PCDH9: variants seen among roughly 807,000 people sequenced by gnomAD.
PCDH9 encodes the protein protocadherin-9.
Under a neutral mutation model 70.6 loss-of-function variants are expected in PCDH9, and 24 were observed. The observed-to-expected ratio is 0.34, with a 90% CI of 0.25 to 0.48. The LOEUF (loss-of-function observed/expected upper bound fraction) is 0.48, where lower values mean the gene tolerates loss of function less well. Among genes scored for constraint, PCDH9 ranks in the 20% least tolerant of loss-of-function variants. PCDH9 has a pLI of 0.99. For synonymous variants in PCDH9, 562 were observed against 558.5 expected (o/e 1.01, Z -0.09); for missense variants, 1,281 against 1,503.6 (o/e 0.85, Z 2.45).
intron 2 of PCDH9, among the ~76,000 whole-genome samples, chr13:66,934,951 A>G (rs1188153730): frequency 6.6e-6 from 1 of 150,744 alleles, no homozygotes. Context: ...CGATCTCCTG[A>G]CCTCGTGATC....
intron 2 of PCDH9, among the ~76,000 whole-genome samples, chr13:66,923,559 G>C (rs1015240004): frequency 6.6e-6 from 1 of 151,504 alleles, no homozygotes; most frequent in African/African-American, 2.4e-5. Flanking sequence ...GCCAGACATA[G>C]CTATAGGTAA....
chr13:67,032,808 G>A (rs2084933035), intron 2 of PCDH9, among the ~76,000 whole-genome samples: 1 of 152,140 alleles, frequency 6.6e-6, no homozygotes, highest in Non-Finnish European at 1.5e-5. Flanking sequence ...GTTACTGAGT[G>A]ACAATTTGAA....
intron 4 of PCDH9, among the ~76,000 whole-genome samples, chr13:66,475,854 C>T (rs555654254): frequency 6.6e-6 from 1 of 152,190 alleles, no homozygotes; most frequent in East Asian, 1.9e-4. Flanking sequence ...CATTGCCTTT[C>T]ACCATATCTC....
chr13:67,147,639 C>T (rs1396452000), intron 2 of PCDH9, among the ~76,000 whole-genome samples: 1 of 152,198 alleles, frequency 6.6e-6, no homozygotes, highest in Admixed American at 6.6e-5. Flanking sequence ...ATAACTGAGA[C>T]TGAGTACATT....
chr13:67,013,368 A>G (rs529794248), intron 2 of PCDH9, among the ~76,000 whole-genome samples: 18 of 151,704 alleles, frequency 1.2e-4, no homozygotes, highest in African/African-American at 4.1e-4. Flanking sequence ...TAACTTTATG[A>G]CATAAACATT....
At chr13:66,670,690 T>C (rs936979556) in intron 3 of PCDH9, among the ~76,000 whole-genome samples, 3 of 152,128 alleles carry the variant, frequency 2.0e-5, no homozygotes, top group Non-Finnish European at 4.4e-5. Flanking sequence ...TAATTTTGCC[T>C]GTTTTCATAC....
chr13:66,649,890 G>A (rs533649986), intron 3 of PCDH9, among the ~76,000 whole-genome samples: 72 of 151,590 alleles, frequency 4.7e-4, no homozygotes, highest in African/African-American at 1.6e-3. Context: ...TAGACAATCC[G>A]TGTTAGTTAT....
intron 2 of PCDH9, among the ~76,000 whole-genome samples, chr13:67,021,206 G>A (rs1463759438): frequency 1.3e-5 from 2 of 152,126 alleles, no homozygotes; most frequent in Non-Finnish European, 2.9e-5. Flanking sequence ...TTATATTGCT[G>A]TACTATACAA....
chr13:66,389,424 G>T (rs1956981521), intron 4 of PCDH9, among the ~76,000 whole-genome samples: 1 of 152,168 alleles, frequency 6.6e-6, no homozygotes, highest in Non-Finnish European at 1.5e-5. Flanking sequence ...CACAAGTCAA[G>T]TTCTGAGTCA....
intron 4 of PCDH9, among the ~76,000 whole-genome samples, chr13:66,490,501 A>G (rs541538876): frequency 1.3e-5 from 2 of 152,174 alleles, no homozygotes; most frequent in Non-Finnish European, 2.9e-5. Context: ...TTAAGGGTGT[A>G]GTTCATGAGA....
chr13:66,965,023 CT>C (rs1170305041), intron 2 of PCDH9, among the ~76,000 whole-genome samples: 1 of 151,708 alleles, frequency 6.6e-6, no homozygotes, highest in Non-Finnish European at 1.5e-5. Flanking sequence ...TTAAACATTT[CT>C]TTTTAGAAAT....
chr13:67,156,345 G>T (rs1162654183), intron 2 of PCDH9, among the ~76,000 whole-genome samples: 1 of 152,116 alleles, frequency 6.6e-6, no homozygotes. Context: ...GGAACACACA[G>T]GCCGTTGAAG....
chr13:67,212,796 T>G (rs951126306), intron 2 of PCDH9: 1 of 152,122 alleles, frequency 6.6e-6, no homozygotes, highest in Admixed American at 6.5e-5. Flanking sequence ...AGGGAACCCA[T>G]TCACATAGGG....
intron 2 of PCDH9, among the ~76,000 whole-genome samples, chr13:66,991,924 A>G (rs2084011123): frequency 6.6e-6 from 1 of 152,182 alleles, no homozygotes; most frequent in Non-Finnish European, 1.5e-5. Context: ...AGGAAGGTAG[A>G]TAAAGATAGA....
intron 2 of PCDH9, among the ~76,000 whole-genome samples, chr13:67,096,126 G>C (rs1294436547): frequency 6.6e-6 from 1 of 152,038 alleles, no homozygotes; most frequent in Non-Finnish European, 1.5e-5. Context: ...ATATTTTGGG[G>C]AAAACACTTA....
At chr13:67,054,113 G>A (rs1339047780) in intron 2 of PCDH9, among the ~76,000 whole-genome samples, 1 of 152,050 alleles carries the variant, frequency 6.6e-6, no homozygotes, top group East Asian at 1.9e-4. Context: ...GGCAAAGAAA[G>A]GAAGGGACAA....
Position 67,010,510 on chromosome 13 carries a change from A to G in PCDH9, c.3037-106905T>C, listed in dbSNP as rs377081779. On this transcript the variant is annotated intron_variant, in intron 2 of 4. Coordinates refer to ENST00000377865, the MANE Select transcript of PCDH9 (RefSeq NM_203487.3). The stretch of plus-strand genomic sequence containing the variant: ...ATACTTGGAAGTCAAGAGATCTCCA[A>G]TGTCATTTTTATAGCTTTCAGACTG... 3.7e-4 allele frequency among the ~76,000 whole-genome samples: 56 copies of G among 152,108 alleles called. No individual in the cohort carries two copies. The East Asian group carries it at 8.9e-3, about 24-fold the overall frequency.
intron 4 of PCDH9, among the ~76,000 whole-genome samples, chr13:66,553,642 C>A (rs559762014): frequency 1.3e-5 from 2 of 152,076 alleles, no homozygotes; most frequent in African/African-American, 2.4e-5. Context: ...AGGGAGTACA[C>A]AATTTTGTGT....
chr13:66,902,732 C>A, intron 3 of PCDH9, among the ~76,000 whole-genome samples: 1 of 151,324 alleles, frequency 6.6e-6, no homozygotes, highest in East Asian at 1.9e-4. Context: ...CACAACAATG[C>A]AAAAATAGTT....
Sources: gnomAD v4.1 joint callset for allele counts (sites outside exome capture counted in the v4.1 genomes callset) on GRCh38, gnomAD v4.1.1 for gene constraint, MANE v1.5 for transcripts, NCBI Gene and HGNC (gene_info 2026-07-23, HGNC 2026-07-21) for gene names.